Variants in FARS2 observed in about 807,000 individuals in gnomAD.
FARS2 encodes the protein phenylalanyl-tRNA synthetase 2, mitochondrial, also known as phenylalanine--tRNA ligase, mitochondrial.
FARS2 carries 40 observed loss-of-function variants against 46.4 expected under a neutral mutation model. The ratio of observed to expected loss-of-function variants is 0.86; its 90% CI spans 0.67 to 1.12. The LOEUF is 1.12. Ranked by LOEUF, FARS2 falls within the 50% of genes most tolerant of loss-of-function variation. FARS2 has a pLI of 0.00. For synonymous variants in FARS2, 234 were observed against 214.9 expected, an observed-to-expected ratio of 1.09 and a Z score of -0.78; for missense variants, 513 against 567.9, an observed-to-expected ratio of 0.90 and a Z score of 0.98.
chr6:5,606,160 G>A (rs896404344), intron 5 of FARS2, among the ~76,000 whole-genome samples: 1 of 151,918 alleles, frequency 6.6e-6, no homozygotes, highest in East Asian at 1.9e-4. Flanking sequence ...GGAACAAGAC[G>A]TGAACCCTCT....
intron 6 of FARS2, among the ~76,000 whole-genome samples, chr6:5,706,455 C>G (rs1758774222): frequency 6.6e-6 from 1 of 152,240 alleles, no homozygotes; most frequent in Non-Finnish European, 1.5e-5. Context: ...CCCCATTACT[C>G]TAGGGCCCCT....
upstream of FARS2, among the ~76,000 whole-genome samples, chr6:5,257,885 TAGA>T (rs1485043525): frequency 6.6e-6 from 1 of 152,142 alleles, no homozygotes; most frequent in Non-Finnish European, 1.5e-5. Context: ...AGATGTTTTG[TAGA>T]AGCACTGAGG....
At position 5,759,245 on chromosome 6, in the gene FARS2, C is replaced by T. The variant is rs112916619; in HGVS notation, c.1218-12046C>T. Among the ~76,000 whole-genome samples, 1,459 of 152,286 alleles carry T rather than the reference C, an allele frequency of 9.6e-3. 24 individuals are homozygous for T. Among genetic ancestry groups the T allele is most frequent in the African/African-American group, 0.032 (1,321 of 41,558 alleles). On this transcript the variant is annotated intron_variant, in intron 6 of 6. Coordinates refer to ENST00000274680, the MANE Select transcript of FARS2 (RefSeq NM_006567.5). ...TCTTTCACTCCATCGGTTCCTACAT[C>T]GGTCAGGCCTTAGCTTGTTGGTACT...
At chr6:5,491,769 G>A (rs1767128589) in intron 4 of FARS2, among the ~76,000 whole-genome samples, 2 of 152,074 alleles carry the variant, frequency 1.3e-5, no homozygotes, top group African/African-American at 4.8e-5. Flanking sequence ...CACTGCTTCT[G>A]TACTCACCAG....
Position 5,608,085 on chromosome 6 carries a change from C to T in FARS2, c.1066-5084C>T, listed in dbSNP as rs573948047. ...ATTTAATTGCATTGATGTCGGAAAA[C>T]GTAGTATTACTCATTCTTGGAACTT... On this transcript the variant is annotated intron_variant, in intron 5 of 6. Transcript: ENST00000274680. Among the ~76,000 whole-genome samples the T allele has an allele frequency of 3.0e-4, 45 of 151,110 alleles. No individual in the cohort carries two copies. In the Middle Eastern group the frequency reaches 0.014, roughly 46 times the overall value.
intron 4 of FARS2, among the ~76,000 whole-genome samples, chr6:5,456,455 C>T (rs1400888940): frequency 2.7e-5 from 4 of 147,820 alleles, no homozygotes; most frequent in Non-Finnish European, 4.5e-5. Flanking sequence ...CAGGGTTGGC[C>T]AGGCACGGTG....
At position 5,368,740 on chromosome 6, in the gene FARS2, C is replaced by G. The variant is rs34382405; in HGVS notation, c.170C>G (p.Ser57Cys). The G allele has an allele frequency of 1.5e-3, 2,436 of 1,614,106 alleles. 25 individuals are homozygous for G. In the African/African-American group the frequency reaches 0.025, roughly 17 times the overall value. Residue 57 changes from serine (S) to cysteine (C), a missense_variant, in exon 2 of 7, where the codon TCC becomes TGC. Physicochemically the swap from Ser to Cys is moderately radical, Grantham distance 112 (BLOSUM62 -1). Coordinates refer to ENST00000274680, the MANE Select transcript of FARS2 (RefSeq NM_006567.5). ...PGSVVELLGK[S>C]YPQDDHSNLT... The stretch of plus-strand genomic sequence containing the variant: ...AGTGTGGTGGAGCTGCTGGGCAAAT[C>G]CTACCCTCAGGACGACCACAGCAAC...
chr6:5,546,869 G>T (rs1771056310), intron 5 of FARS2, among the ~76,000 whole-genome samples: 1 of 151,654 alleles, frequency 6.6e-6, no homozygotes. Context: ...CTACTGAAAT[G>T]CTTGATTTTT....
chr6:5,511,879 G>A (rs565481084), intron 4 of FARS2, among the ~76,000 whole-genome samples: 2 of 152,252 alleles, frequency 1.3e-5, no homozygotes, highest in South Asian at 2.1e-4. Flanking sequence ...TCTGTTAGAG[G>A]ATACAAGAAA....
At chr6:5,452,688 A>C (rs1764569958) in intron 4 of FARS2, 1 of 152,128 alleles carries the variant, frequency 6.6e-6, no homozygotes, top group Non-Finnish European at 1.5e-5. Context: ...CAAAACCTTC[A>C]CTTCTGGACT....
At chr6:5,679,219 A>G (rs1014180522) in intron 6 of FARS2, among the ~76,000 whole-genome samples, 1 of 152,162 alleles carries the variant, frequency 6.6e-6, no homozygotes, top group South Asian at 2.1e-4. Context: ...CCTTCAGGCT[A>G]TGCTTTCTAG....
chr6:5,500,086 A>G (rs1166133563), intron 4 of FARS2, among the ~76,000 whole-genome samples: 1 of 152,232 alleles, frequency 6.6e-6, no homozygotes, highest in East Asian at 1.9e-4. Context: ...TAAGTTTTAC[A>G]TGATTCTTCG....
At chr6:5,439,619 G>A (rs1413319980) in intron 4 of FARS2, among the ~76,000 whole-genome samples, 1 of 152,174 alleles carries the variant, frequency 6.6e-6, no homozygotes, top group Non-Finnish European at 1.5e-5. Context: ...CCCCATAGTG[G>A]ACCTGAACTG....
intron 4 of FARS2, among the ~76,000 whole-genome samples, chr6:5,475,833 C>G (rs943741132): frequency 6.6e-6 from 1 of 152,154 alleles, no homozygotes; most frequent in Non-Finnish European, 1.5e-5. Flanking sequence ...ATTCCCCTCT[C>G]TGTGTCCCAG....
chr6:5,607,037 C>A (rs1311063924), intron 5 of FARS2, among the ~76,000 whole-genome samples: 1 of 152,038 alleles, frequency 6.6e-6, no homozygotes, highest in Non-Finnish European at 1.5e-5. Context: ...CTCCATAGAG[C>A]ACTGTCCCCC....
chr6:5,667,499 C>T (rs1215434983), intron 6 of FARS2, among the ~76,000 whole-genome samples: 1 of 147,446 alleles, frequency 6.8e-6, no homozygotes, highest in African/African-American at 2.5e-5. Context: ...GCCTGGGCAA[C>T]ACAGCAAGAC....
intron 1 of FARS2, among the ~76,000 whole-genome samples, chr6:5,353,313 T>C (rs989955609): frequency 3.3e-5 from 5 of 152,260 alleles, no homozygotes; most frequent in African/African-American, 1.2e-4. Flanking sequence ...TGATAGATAC[T>C]TGAGTCGATT....
intron 1 of FARS2, among the ~76,000 whole-genome samples, chr6:5,292,825 G>T (rs1767597276): frequency 6.6e-6 from 1 of 152,204 alleles, no homozygotes; most frequent in Non-Finnish European, 1.5e-5. Context: ...ATGTAGTAGA[G>T]GGAGGAGAGG....
rs182561244 is a variant in FARS2, at chr6:5,343,301, G to A, written c.-21-25249G>A. Among the ~76,000 whole-genome samples the A allele has an allele frequency of 1.3e-5, 2 of 152,054 alleles. No individual in the cohort carries two copies. Among genetic ancestry groups the A allele is most frequent in the Non-Finnish European group, 2.9e-5 (2 of 67,966 alleles). ...ATCTTGGCTCACTGCAACCTTCACC[G>A]CCCTGGTTCCAGTGATTCTCCTGTC... On this transcript the variant is annotated intron_variant, in intron 1 of 6. Transcript: ENST00000274680. This position sits in a 1 kb window ranked among gnomAD's most constrained non-coding sequence, Gnocchi z 4.5.
Sources: gnomAD v4.1 joint callset for allele counts (sites outside exome capture counted in the v4.1 genomes callset) on GRCh38, gnomAD v4.1.1 for gene constraint, Gnocchi (gnomAD v3.1) non-coding constraint, MANE v1.5 for transcripts, NCBI Gene and HGNC (gene_info 2026-07-23, HGNC 2026-07-21) for gene names.